The following VTI1A variants were observed in gnomAD, a reference collection of about 807,000 sequenced individuals.
The protein encoded by VTI1A is vesicle transport through interaction with t-SNAREs homolog 1A.
A neutral mutation model predicts 34.9 loss-of-function variants in VTI1A; 22 were observed. That is an observed-to-expected ratio of 0.63 (90% confidence interval 0.45 to 0.90). The LOEUF is 0.90. Ranked by LOEUF, VTI1A falls within the 40% of genes least tolerant of loss-of-function variation. VTI1A has a pLI of 0.00. For synonymous variants in VTI1A, 87 were observed against 97.3 expected (o/e 0.89, Z 0.62); for missense variants, 268 against 275.6 (o/e 0.97, Z 0.20).
chr10:112,833,968 C>T, the VTI1A span, among the ~76,000 whole-genome samples: 1 of 152,212 alleles, frequency 6.6e-6, no homozygotes. Context: ...AGAGAGGTGG[C>T]AGAGGCTCAG....
chr10:112,829,083 A>G, the VTI1A span, among the ~76,000 whole-genome samples: 1 of 152,242 alleles, frequency 6.6e-6, no homozygotes, highest in East Asian at 1.9e-4. Flanking sequence ...GTTTGAGCCT[A>G]CCTAATGTCC....
intron 5 of VTI1A, among the ~76,000 whole-genome samples, chr10:112,573,813 G>C (rs1852227813): frequency 6.6e-6 from 1 of 152,128 alleles, no homozygotes; most frequent in Non-Finnish European, 1.5e-5. Flanking sequence ...AGTTTGTAAT[G>C]TTTATTACAA....
intron 3 of VTI1A, among the ~76,000 whole-genome samples, chr10:112,467,599 T>G (rs2134061123): frequency 6.6e-6 from 1 of 152,392 alleles, no homozygotes; most frequent in African/African-American, 2.4e-5. Context: ...AGGCTATCAT[T>G]AACAATTCAT....
At chr10:112,835,252 G>A in the VTI1A span, among the ~76,000 whole-genome samples, 2 of 152,070 alleles carry the variant, frequency 1.3e-5, no homozygotes, top group African/African-American at 2.4e-5. Flanking sequence ...TCTCCTCCCC[G>A]GTGGCAGTCA....
intron 5 of VTI1A, among the ~76,000 whole-genome samples, chr10:112,546,660 A>T (rs898582838): frequency 6.6e-6 from 1 of 151,254 alleles, no homozygotes; most frequent in African/African-American, 2.5e-5. Flanking sequence ...TATATTTAAC[A>T]CTACTCACAT....
the VTI1A span, among the ~76,000 whole-genome samples, chr10:112,854,025 T>C: frequency 6.6e-6 from 1 of 151,974 alleles, no homozygotes; most frequent in African/African-American, 2.4e-5. Flanking sequence ...TCCCTTCTTC[T>C]CCACCCTGCT....
At chr10:112,675,175 G>T (rs541623097) in intron 7 of VTI1A, among the ~76,000 whole-genome samples, 32 of 152,192 alleles carry the variant, frequency 2.1e-4, no homozygotes, top group African/African-American at 5.3e-4. Context: ...TGCTACTTAT[G>T]CACTCTCTGA....
intron 3 of VTI1A, among the ~76,000 whole-genome samples, chr10:112,523,754 CA>C (rs1200668336): frequency 6.6e-6 from 1 of 152,044 alleles, no homozygotes; most frequent in Non-Finnish European, 1.5e-5. Context: ...AAAATGTTGA[CA>C]ATTTCTTGAT....
chr10:112,854,985 G>C, the VTI1A span, among the ~76,000 whole-genome samples: 3 of 152,174 alleles, frequency 2.0e-5, no homozygotes, highest in Non-Finnish European at 2.9e-5. Flanking sequence ...AGTTCACAGA[G>C]AGTCTGCCTG....
chr10:112,633,799 C>T (rs1443405732), intron 5 of VTI1A, among the ~76,000 whole-genome samples: 2 of 151,350 alleles, frequency 1.3e-5, no homozygotes, highest in African/African-American at 4.9e-5. Context: ...AGAGCTTATA[C>T]TTTGCAGTTT....
At chr10:112,537,315 A>ATATATATATATATATATAT (rs1172192971) in intron 4 of VTI1A, among the ~76,000 whole-genome samples, 1 of 86,150 alleles carries the variant, frequency 1.2e-5, no homozygotes, top group Non-Finnish European at 2.3e-5. Flanking sequence ...ATCTAGGTAT[A>ATATATATATATATATATAT]TATATATATA....
At chr10:112,463,598 A>G (rs1847801792) in intron 2 of VTI1A, among the ~76,000 whole-genome samples, 1 of 152,028 alleles carries the variant, frequency 6.6e-6, no homozygotes, top group African/African-American at 2.4e-5. Context: ...TCTGTGTTGT[A>G]TCCAAAGTGT....
chr10:112,548,236 T>C (rs986795564), intron 5 of VTI1A, among the ~76,000 whole-genome samples: 5 of 152,220 alleles, frequency 3.3e-5, no homozygotes, highest in African/African-American at 1.2e-4. Flanking sequence ...CAACTCAGTA[T>C]AGAATTCATT....
Position 112,537,647 on chromosome 10 carries a change from A to G in VTI1A, c.343-599A>G, listed in dbSNP as rs111991427. 1.3e-3 allele frequency among the ~76,000 whole-genome samples: 202 copies of G among 152,284 alleles called. 1 individual carries two copies. The highest frequency in any genetic ancestry group is 4.8e-3 in the African/African-American group (199 of 41,572). On this transcript the variant is annotated intron_variant, in intron 4 of 7. Coordinates refer to ENST00000393077, the MANE Select transcript of VTI1A (RefSeq NM_145206.4). ...AACAAATGCACAATATTGTACATCT[A>G]TGTAAATGGAGAAACATGTGTCTCT...
At chr10:112,773,741 T>A (rs931285494) in intron 7 of VTI1A, among the ~76,000 whole-genome samples, 1 of 152,062 alleles carries the variant, frequency 6.6e-6, no homozygotes, top group Non-Finnish European at 1.5e-5. Context: ...CCAAGAGAGA[T>A]CTTTAGGTGT....
At chr10:112,447,719 A>G (rs149120877) in intron 1 of VTI1A, among the ~76,000 whole-genome samples, 2 of 152,308 alleles carry the variant, frequency 1.3e-5, no homozygotes, top group African/African-American at 4.8e-5. Context: ...TGTAACTTGC[A>G]TAACCTGGAA....
chr10:112,532,559 C>T (rs1313422951), intron 4 of VTI1A, among the ~76,000 whole-genome samples: 1 of 152,002 alleles, frequency 6.6e-6, no homozygotes, highest in Non-Finnish European at 1.5e-5. Flanking sequence ...CACAATGAGC[C>T]AGATATATGG....
chr10:112,591,522 A>ACACACACC (rs1844390698), intron 5 of VTI1A, among the ~76,000 whole-genome samples: 1 of 152,068 alleles, frequency 6.6e-6, no homozygotes, highest in Non-Finnish European at 1.5e-5. Flanking sequence ...TCCGTCTCAC[A>ACACACACC]CACACACACA....
intron 7 of VTI1A, among the ~76,000 whole-genome samples, chr10:112,759,908 T>C (rs1364114625): frequency 6.6e-6 from 1 of 152,156 alleles, no homozygotes; most frequent in Non-Finnish European, 1.5e-5. Flanking sequence ...TGAATGTGGA[T>C]GCTGTAATTA....
Sources: allele counts gnomAD v4.1 joint callset (sites outside exome capture counted in the v4.1 genomes callset), GRCh38; gene constraint gnomAD v4.1.1; transcripts MANE v1.5; gene names NCBI Gene and HGNC (gene_info 2026-07-23, HGNC 2026-07-21).